REXO4: variants seen among roughly 807,000 people sequenced by gnomAD.
REXO4 encodes the protein REX4 homolog, 3'-5' exonuclease.
A neutral mutation model predicts 39.9 loss-of-function variants in REXO4; 29 were observed. The ratio of observed to expected loss-of-function variants is 0.73; its 90% CI spans 0.54 to 0.99. The LOEUF (loss-of-function observed/expected upper bound fraction) is 0.99, where lower values mean the gene tolerates loss of function less well. Among genes scored for constraint, REXO4 ranks in the 50% least tolerant of loss-of-function variants. The pLI is 0.00. For synonymous variants in REXO4, 184 were observed against 206.2 expected (o/e 0.89, Z 0.92); for missense variants, 524 against 546.5 (o/e 0.96, Z 0.41).
chr9:133,414,841 A>C lies in REXO4; in HGVS notation c.396T>G (p.Val132=). ...TCCTGTCCATCTTGGAACCTGAAGGAACAGAGCCCCTGCTGGCCTCCTGGT... is the reference window on the plus strand; with the variant it reads ...TCCTGTCCATCTTGGAACCTGAAGGCACAGAGCCCCTGCTGGCCTCCTGGT... ...GKDQEASRGS[V]PSGSKMDRRA... Residue 132 remains valine, a synonymous_variant, in exon 2 of 8, where the codon GTT becomes GTG. Transcript: ENST00000371942. 1 of 1,614,164 alleles carries C rather than the reference A, an allele frequency of 6.2e-7. No homozygotes were observed. The highest frequency in any genetic ancestry group is 8.5e-7 in the Non-Finnish European group (1 of 1,180,026).
At chr9:133,415,121 T>C in intron 1 of REXO4, 110 bp from the exon 2 acceptor site, 1 of 822,124 alleles carries the variant, frequency 1.2e-6, no homozygotes. Flanking sequence ...CAAACACATC[T>C]ATACAATTCC....
intron 2 of REXO4, among the ~76,000 whole-genome samples, chr9:133,413,322 G>C (rs1406119522): frequency 1.3e-5 from 2 of 152,068 alleles, no homozygotes; most frequent in Non-Finnish European, 2.9e-5. Context: ...GGCTGGTCTT[G>C]AACTCCTGAC....
chr9:133,414,303 GC>G, intron 2 of REXO4: 1 of 456,334 alleles, frequency 2.2e-6, no homozygotes, highest in Non-Finnish European at 4.3e-6. Flanking sequence ...TCCTTATGAT[GC>G]CACCATGACT....
At chr9:133,414,075 C>G (rs3780805) in intron 2 of REXO4, among the ~76,000 whole-genome samples, 8,614 of 152,316 alleles carry the variant, frequency 0.057, 337 homozygotes, top group Non-Finnish European at 0.087. Flanking sequence ...AGGGTTTATT[C>G]TTTTCACTTG....
intron 2 of REXO4, among the ~76,000 whole-genome samples, 183 bp from the exon 3 acceptor site, chr9:133,413,104 TC>T (rs1158937090): frequency 2.0e-5 from 3 of 151,344 alleles, no homozygotes; most frequent in Admixed American, 1.3e-4. Flanking sequence ...CTTGGCATTT[TC>T]CTTTTTTTTT....
chr9:133,409,179 CT>C (rs1418389851), intron 5 of REXO4, among the ~76,000 whole-genome samples: 10 of 152,196 alleles, frequency 6.6e-5, no homozygotes, highest in African/African-American at 2.2e-4. Flanking sequence ...GTTGGCCAGG[CT>C]GGTCTCGAAC....
chr9:133,412,295 A>G lies in REXO4; in HGVS notation c.910+4T>C. On this transcript the variant is annotated splice_donor_region_variant and intron_variant, in intron 4 of 7. Transcript: ENST00000371942. ...TCTAAGTTCCTGAGCTGTGGATGAC[A>G]TACCCTGCTTGAGGTTCTCAGGCCG... 1.9e-6 allele frequency: 3 copies of G among 1,613,324 alleles called. No individual in the cohort carries two copies. Among genetic ancestry groups the G allele is most frequent in the Non-Finnish European group, 2.5e-6 (3 of 1,179,874 alleles).
intron 6 of REXO4, 30 bp downstream of exon 6, chr9:133,408,738 A>G: frequency 4.2e-6 from 6 of 1,432,526 alleles, no homozygotes; most frequent in Non-Finnish European, 5.9e-6. Context: ...ACAGAAATAC[A>G]GTATCTTGAG....
Position 133,408,934 on chromosome 9 carries a change from T to TTGTGTGTGTGTG in REXO4, c.1000-104_1000-93dup, listed in dbSNP as rs71503345. ...CCGCCACCTTTTGCAAGTAACATCT[T>TTGTGTGTGTGTG]TGTGTGTGTGTGTGTGTGTGTGTGT... is the stretch of plus-strand genomic sequence containing the variant. On this transcript the variant is annotated intron_variant, in intron 5 of 7. Transcript: ENST00000371942. 1.1e-3 allele frequency: 368 copies of TTGTGTGTGTGTG among 321,990 alleles called. 8 individuals carry two copies. Among genetic ancestry groups the TTGTGTGTGTGTG allele is most frequent in the African/African-American group, 9.6e-3 (283 of 29,408 alleles). 19.9% of individuals were successfully genotyped at this position (321,990 alleles called of 1,614,324 possible).
intron 3 of REXO4, 59 bp from the exon 4 acceptor site, chr9:133,412,551 C>T: frequency 6.4e-7 from 1 of 1,567,494 alleles, no homozygotes. Context: ...GGCTCCAGGT[C>T]AGAGCCCCAG....
rs1839773997 is a variant in REXO4 at position 133,417,928 on chromosome 9, GCCCA to G, written c.-88_-85del. 2 of 1,341,708 alleles carry G rather than the reference GCCCA, an allele frequency of 1.5e-6. No individual in the cohort carries two copies. Among genetic ancestry groups the G allele is most frequent in the African/African-American group, 2.9e-5 (2 of 68,544 alleles). The allele number at this position is 1,341,708 out of a possible 1,614,324, so 83.1% of individuals were successfully genotyped here. A position where few individuals can be genotyped will look rare whatever the true frequency, so the allele number is the denominator to read the frequency against. On this transcript the variant is annotated 5_prime_UTR_variant, in exon 1 of 8. Transcript: ENST00000371942. ...CGGCGCCCTGGCAGCACAAGCGCCT[GCCCA>G]GGCCAGGCCGAAACACACCCACCGC...
chr9:133,409,493 G>A (rs1839101636), intron 5 of REXO4, among the ~76,000 whole-genome samples: 1 of 152,174 alleles, frequency 6.6e-6, no homozygotes, highest in African/African-American at 2.4e-5. Context: ...TTTTGAGTTG[G>A]TTCTACACAT....
In REXO4 at chr9:133,408,778, C is replaced by T. The variant is rs28711662; in HGVS notation, c.1064G>A (p.Ser355Asn). 2,991 of 1,595,620 alleles carry T rather than the reference C, an allele frequency of 1.9e-3. 18 individuals are homozygous for T. Among genetic ancestry groups the T allele is most frequent in the African/African-American group, 0.017 (1,298 of 74,360 alleles). The change falls in exon 6 of 8, where the codon AGT (serine) becomes AAT (asparagine). Residue 355 changes from serine (S) to asparagine (N), a missense_variant. Coordinates refer to ENST00000371942, the MANE Select transcript of REXO4 (RefSeq NM_020385.4). ...RDTQKYKPFK[S>N]QVKSGRPSLR... ...ACTCATTCTAAGTACCTTTACTTGA[C>T]TCTTGAAAGGTTTATATTTCTGTGT...
At position 133,406,918 on chromosome 9, in the gene REXO4, TGTAGCGGG is replaced by T. The variant is rs782694583; in HGVS notation, c.*27_*34del. On this transcript the variant is annotated 3_prime_UTR_variant, in exon 8 of 8. Coordinates refer to ENST00000371942, the MANE Select transcript of REXO4 (RefSeq NM_020385.4). ...TCCCTGTGACTGGTCACATTGCCTC[TGTAGCGGG>T]GCGGCAGCAGCAGCAGGGCAGGACT... 7.5e-6 allele frequency: 12 copies of T among 1,606,086 alleles called. No homozygotes were observed. In the Admixed American group the frequency reaches 2.0e-4, roughly 27 times the overall value.
In REXO4 at chr9:133,412,178, G is replaced by A. The variant is rs965019000; in HGVS notation, c.910+121C>T. 3.3e-5 allele frequency: 33 copies of A among 1,001,090 alleles called. 2 individuals carry two copies. The South Asian group carries it at 4.3e-4, about 13-fold the overall frequency. 62.0% of individuals were successfully genotyped at this position (1,001,090 alleles called of 1,614,324 possible). ...ATTTTAAAACCCATCGCCCCAAAAG[G>A]AGACAAGACGCATCAAAACCAGCTG... On this transcript the variant is annotated intron_variant, in intron 4 of 7. Coordinates refer to ENST00000371942, the MANE Select transcript of REXO4 (RefSeq NM_020385.4).
At chr9:133,408,457 T>TAAA (rs35773096) in intron 6 of REXO4, among the ~76,000 whole-genome samples, 1 of 134,092 alleles carries the variant, frequency 7.5e-6, no homozygotes, top group Non-Finnish European at 1.6e-5. Flanking sequence ...AGACCCTGTC[T>TAAA]AAAAAAAAAA....
At chr9:133,415,083 G>T in intron 1 of REXO4, 72 bp from the exon 2 acceptor site, 1 of 1,256,894 alleles carries the variant, frequency 8.0e-7, no homozygotes, top group Non-Finnish European at 1.1e-6. Context: ...AAAAACTTAC[G>T]TGTGTATGTA....
chr9:133,411,014 C>G lies in REXO4; in HGVS notation c.970G>C (p.Val324Leu). The stretch of plus-strand genomic sequence containing the variant: ...AGGTCATTATGCAGAGCGTGCCCCA[C>G]TAGAATTCTGCCCTTCAGCATCTCT... ...VAEMLKGRIL[V>L]GHALHNDLKV... is the part of the protein sequence containing the mutation. The change falls in exon 5 of 8, where the codon GTG becomes CTG. Residue 324 changes from valine to leucine, a missense_variant. Val to Leu is a conservative substitution (Grantham distance 32). Transcript: ENST00000371942. The G allele has an allele frequency of 6.2e-7, 1 of 1,614,140 alleles. No individual in the cohort carries two copies. Among genetic ancestry groups the G allele is most frequent in the Non-Finnish European group, 8.5e-7 (1 of 1,179,988 alleles).
intron 7 of REXO4, among the ~76,000 whole-genome samples, 191 bp downstream of exon 7, chr9:133,407,616 A>AT (rs1838967461): frequency 6.6e-6 from 1 of 151,984 alleles, no homozygotes; most frequent in South Asian, 2.1e-4. Context: ...AATTCGTTAA[A>AT]TGTGCATATT....
Sources: gnomAD v4.1 joint callset for allele counts (sites outside exome capture counted in the v4.1 genomes callset) on GRCh38, gnomAD v4.1.1 for gene constraint, MANE v1.5 for transcripts, NCBI Gene and HGNC (gene_info 2026-07-23, HGNC 2026-07-21) for gene names.